The following SLC25A20 variants were observed in gnomAD, a reference collection of about 807,000 sequenced individuals.
SLC25A20 encodes the protein solute carrier family 25 member 20.
A neutral mutation model predicts 39.7 loss-of-function variants in SLC25A20; 29 were observed. That is an observed-to-expected ratio of 0.73 (90% confidence interval 0.54 to 1.00). The LOEUF (loss-of-function observed/expected upper bound fraction) is 1.00. SLC25A20 is among the 50% of genes least tolerant of loss of function. The pLI, the probability that SLC25A20 is intolerant of heterozygous loss-of-function variation, is 0.00. For synonymous variants in SLC25A20, 103 were observed against 142.2 expected (o/e 0.72, Z 1.96); for missense variants, 333 against 379.9 (o/e 0.88, Z 1.03).
chr3:48,880,169 C>T (rs1375176848), intron 3 of SLC25A20, among the ~76,000 whole-genome samples: 1 of 152,328 alleles, frequency 6.6e-6, no homozygotes, highest in East Asian at 1.9e-4. Flanking sequence ...CTGGCCCCCA[C>T]AGAATGAACA....
At chr3:48,879,083 C>A (rs1434934475) in intron 4 of SLC25A20, among the ~76,000 whole-genome samples, 2 of 152,116 alleles carry the variant, frequency 1.3e-5, no homozygotes, top group East Asian at 3.9e-4. Context: ...GTTGGCCAGG[C>A]TGGTCTCAAA....
intron 4 of SLC25A20, among the ~76,000 whole-genome samples, chr3:48,867,647 G>C (rs2083681845): frequency 6.6e-6 from 1 of 151,068 alleles, no homozygotes; most frequent in Non-Finnish European, 1.5e-5. Context: ...ACTGATGTCA[G>C]TGGCTGAGGG....
Position 48,857,620 on chromosome 3 carries a change from G to T in SLC25A20, c.*90C>A. ...CGGATCTCACCATTCCCCTCCCCTT[G>T]CCCTCCAAGACTGCTTAGTTCTGCT... On this transcript the variant is annotated 3_prime_UTR_variant, in exon 9 of 9. Transcript: ENST00000319017. 2 of 1,202,996 alleles carry T rather than the reference G, an allele frequency of 1.7e-6. No homozygotes were observed. The highest frequency in any genetic ancestry group is 2.4e-6 in the Non-Finnish European group (2 of 819,694). 74.5% of individuals were successfully genotyped at this position (1,202,996 alleles called of 1,614,324 possible).
chr3:48,887,858 G>A (rs1042453062), intron 2 of SLC25A20, among the ~76,000 whole-genome samples: 3 of 151,736 alleles, frequency 2.0e-5, no homozygotes, highest in East Asian at 1.9e-4. Flanking sequence ...GGCTGAGATC[G>A]TGCCACTGCA....
intron 4 of SLC25A20, among the ~76,000 whole-genome samples, chr3:48,872,165 C>T (rs2083721664): frequency 6.6e-6 from 1 of 150,852 alleles, no homozygotes; most frequent in Non-Finnish European, 1.5e-5. Flanking sequence ...CAGTATTGCT[C>T]TGTTGCCCAG....
Position 48,898,704 on chromosome 3 carries a change from G to C in SLC25A20, c.91C>G (p.Leu31Val). Residue 31 changes from leucine (L) to valine (V), a missense_variant, in exon 1 of 9, where the codon CTG becomes GTG. Physicochemically the swap from Leu to Val is conservative, Grantham distance 32. Transcript: ENST00000319017. ...GVCLVFVGHP[L>V]DTVKVRLQTQ... ...GCCTCCCGCACCTTGACCGTGTCCA[G>C]AGGGTGACCGACGAACACCAGGCAC... 1.9e-6 allele frequency: 3 copies of C among 1,605,818 alleles called. No homozygotes were observed. Among genetic ancestry groups the C allele is most frequent in the Non-Finnish European group, 2.5e-6 (3 of 1,176,876 alleles).
chr3:48,871,710 T>G (rs925045388), intron 4 of SLC25A20, among the ~76,000 whole-genome samples: 1 of 144,484 alleles, frequency 6.9e-6, no homozygotes, highest in African/African-American at 2.6e-5. Flanking sequence ...GAGGTTGTGG[T>G]GAGCCAAGAT....
At position 48,857,526 on chromosome 3, in the gene SLC25A20, A is replaced by T. The variant is rs1279591609; in HGVS notation, c.*184T>A. On this transcript the variant is annotated 3_prime_UTR_variant, in exon 9 of 9. Transcript: ENST00000319017. ...AAGAATGAATTCAAGTTTCAAAATG[A>T]CACACTAAGTTATACACGGTGCAGG... 1.6e-6 allele frequency: 1 copy of T among 619,054 alleles called. No individual in the cohort carries two copies. Among genetic ancestry groups the T allele is most frequent in the East Asian group, 2.8e-5 (1 of 35,556 alleles). The allele number at this position is 619,054 out of a possible 1,614,324, so 38.3% of individuals were successfully genotyped here.
chr3:48,862,066 G>A (rs895253456), intron 5 of SLC25A20, among the ~76,000 whole-genome samples: 3 of 152,030 alleles, frequency 2.0e-5, no homozygotes, highest in African/African-American at 7.2e-5. Flanking sequence ...AATAAATAAG[G>A]TTTTCTCTCA....
intron 1 of SLC25A20, among the ~76,000 whole-genome samples, chr3:48,896,471 C>G (rs1036336204): frequency 2.0e-5 from 3 of 147,096 alleles, no homozygotes; most frequent in Non-Finnish European, 4.5e-5. Flanking sequence ...CATTAAAGTC[C>G]TTTGCAGGTG....
chr3:48,864,559 G>T (rs1265320424), intron 4 of SLC25A20, among the ~76,000 whole-genome samples: 8 of 138,948 alleles, frequency 5.8e-5, no homozygotes, highest in African/African-American at 1.1e-4. Flanking sequence ...AGTATCAATG[G>T]TTTTTTTTTT....
In SLC25A20 at chr3:48,872,287, T is replaced by C. The variant is rs1482824749; in HGVS notation, c.417+7071A>G. 4.0e-5 allele frequency among the ~76,000 whole-genome samples: 6 copies of C among 151,746 alleles called. No homozygotes were observed. In the East Asian group the frequency reaches 1.2e-3, roughly 30 times the overall value. The stretch of plus-strand genomic sequence containing the variant: ...CTGGGATTACAGGTGCACGCCACCA[T>C]GCCTGGATAATTTTGTATTTTTAGT... On this transcript the variant is annotated intron_variant, in intron 4 of 8. Coordinates refer to ENST00000319017, the MANE Select transcript of SLC25A20 (RefSeq NM_000387.6).
At position 48,859,099 on chromosome 3, in the gene SLC25A20, G is replaced by A. The variant is rs2083603366; in HGVS notation, c.711C>T (p.Phe237=). Residue 237 remains phenylalanine (F), a synonymous_variant, in exon 7 of 9, where the codon TTC becomes TTT. Transcript: ENST00000319017. The part of the protein sequence containing the change: ...AIPPDVLKSR[F]QTAPPGKYPN... ...CCACTACCTTCCACTCACCAGTCTG[G>A]AATCGAGACTTGAGCACATCTGGGG... The A allele has an allele frequency of 2.5e-6, 4 of 1,613,494 alleles. No individual in the cohort carries two copies. Among genetic ancestry groups the A allele is most frequent in the South Asian group, 1.1e-5 (1 of 91,020 alleles).
chr3:48,890,418 T>G (rs1242227359), intron 2 of SLC25A20, among the ~76,000 whole-genome samples: 1 of 152,026 alleles, frequency 6.6e-6, no homozygotes, highest in African/African-American at 2.4e-5. Flanking sequence ...CTTGATCTCC[T>G]GACCCTGTGA....
rs1330578621 is a variant in SLC25A20, at chr3:48,858,527, G to A, written c.823C>T (p.Arg275Ter). 6.2e-6 allele frequency: 10 copies of A among 1,614,046 alleles called. No individual in the cohort carries two copies. The highest frequency in any genetic ancestry group is 1.7e-5 in the Admixed American group (1 of 59,994). Reference protein sequence around the residue: ...LYKGFNAVMIRAFPANAACFL... With the variant: ...LYKGFNAVMI ...CTCACCGCATTGGCTGGGAAGGCTC[G>A]GATCATCACTGCATTGAACCCTTTG... The change falls in exon 8 of 9, where the codon CGA becomes TGA. Residue 275 changes from arginine to a stop codon, truncating the protein, a stop_gained. Transcript: ENST00000319017. LOFTEE classifies it high-confidence loss of function.
At chr3:48,893,852 GAA>G (rs978467478) in intron 1 of SLC25A20, among the ~76,000 whole-genome samples, 24 of 69,112 alleles carry the variant, frequency 3.5e-4, no homozygotes, top group African/African-American at 6.6e-4. Flanking sequence ...CTTTAAAAAA[GAA>G]AAAAAAAAAA....
intron 3 of SLC25A20, 43 bp downstream of exon 3, chr3:48,883,954 T>A: frequency 1.2e-6 from 2 of 1,609,548 alleles, no homozygotes; most frequent in Non-Finnish European, 1.7e-6. Flanking sequence ...CATGTCACGC[T>A]ACCAGGCAGA....
intron 4 of SLC25A20, among the ~76,000 whole-genome samples, chr3:48,870,562 T>C (rs979669372): frequency 6.7e-5 from 10 of 149,468 alleles, no homozygotes; most frequent in South Asian, 4.2e-4. Context: ...CTTTTTCTTT[T>C]TTTTTTTTTT....
intron 4 of SLC25A20, among the ~76,000 whole-genome samples, chr3:48,876,399 A>G (rs537310141): frequency 3.3e-5 from 5 of 150,672 alleles, no homozygotes; most frequent in Admixed American, 6.6e-5. Flanking sequence ...TTCCATTCAT[A>G]TAACATTGTT....
Sources: gnomAD v4.1 joint callset for allele counts (sites outside exome capture counted in the v4.1 genomes callset) on GRCh38, gnomAD v4.1.1 for gene constraint, MANE v1.5 for transcripts, NCBI Gene and HGNC (gene_info 2026-07-23, HGNC 2026-07-21) for gene names.